Variants in CIROP observed in about 807,000 individuals in gnomAD.
CIROP encodes leishmanolysin homolog.
chr14:23,099,215 A>G, the CIROP span: 3 of 413,002 alleles, frequency 7.3e-6, no homozygotes, highest in East Asian at 1.1e-4. Flanking sequence ...TACACAATAG[A>G]TTTTCCATCC....
chr14:23,100,538 T>C, the CIROP span: 1 of 412,200 alleles, frequency 2.4e-6, no homozygotes, highest in Admixed American at 4.4e-5. Context: ...TCCTCCATGA[T>C]ACACTTCTAG....
the CIROP span, chr14:23,102,543 G>A: frequency 1.4e-6 from 1 of 699,722 alleles, no homozygotes; most frequent in Non-Finnish European, 2.6e-6. Context: ...GAAGGGTGAA[G>A]TAAAATTAGA....
At chr14:23,100,697 A>T in the CIROP span, 1 of 399,054 alleles carries the variant, frequency 2.5e-6, no homozygotes, top group Non-Finnish European at 4.4e-6. Flanking sequence ...TGGACATTTG[A>T]ATCTTTTAAT....
the CIROP span, chr14:23,101,301 C>T: frequency 7.9e-6 from 4 of 508,832 alleles, no homozygotes; most frequent in Non-Finnish European, 1.4e-5. Context: ...CCTGTATAAC[C>T]TTTCCAGGAA....
chr14:23,103,409 C>G, the CIROP span: 1 of 399,090 alleles, frequency 2.5e-6, no homozygotes, highest in Non-Finnish European at 4.4e-6. Context: ...AAAAAATTAG[C>G]CGGACATGGT....
the CIROP span, chr14:23,101,665 T>C: frequency 1.4e-6 from 1 of 703,042 alleles, no homozygotes; most frequent in Non-Finnish European, 2.6e-6. Context: ...TCTTATCTAC[T>C]CACCCCATTG....
chr14:23,100,891 T>A, the CIROP span: 1 of 399,084 alleles, frequency 2.5e-6, no homozygotes, highest in East Asian at 3.6e-5. Flanking sequence ...CCAGTACTGC[T>A]TCAGCTAGCC....
the CIROP span, chr14:23,100,713 T>G: frequency 6.0e-5 from 24 of 398,964 alleles, no homozygotes; most frequent in African/African-American, 3.1e-4. Context: ...TTAATAGAGA[T>G]ATAGTTCCTG....
the CIROP span, chr14:23,104,901 A>AGCG: frequency 1.2e-4 from 68 of 568,536 alleles, no homozygotes; most frequent in Non-Finnish European, 1.7e-4. Flanking sequence ...CAGCAGCAGC[A>AGCG]GCAGCAGCAG....
chr14:23,102,726 G>T, the CIROP span: 2 of 703,000 alleles, frequency 2.8e-6, no homozygotes, highest in Non-Finnish European at 5.2e-6. Flanking sequence ...AAGGACAAAT[G>T]ACAGCCCAGT....
At chr14:23,103,590 A>AACAAAACAAG in the CIROP span, 1 of 632,576 alleles carries the variant, frequency 1.6e-6, no homozygotes, top group Non-Finnish European at 2.8e-6. Context: ...AACAAAACAA[A>AACAAAACAAG]ACTGCTTTTA....
the CIROP span, chr14:23,101,221 G>A: frequency 2.2e-6 from 1 of 444,836 alleles, no homozygotes; most frequent in Non-Finnish European, 4.0e-6. Flanking sequence ...AGGTTGGACA[G>A]TACCACCATA....
chr14:23,104,028 A>G, the CIROP span, among the ~76,000 whole-genome samples: 1 of 152,184 alleles, frequency 6.6e-6, no homozygotes, highest in Admixed American at 6.5e-5. Context: ...TAAGCACACT[A>G]AGTAACTCTG....
chr14:23,102,784 T>C, the CIROP span: 1 of 696,634 alleles, frequency 1.4e-6, no homozygotes, highest in South Asian at 1.5e-5. Context: ...CTATAACCCC[T>C]CTGCCCAATC....
the CIROP span, chr14:23,102,133 T>C: frequency 1.4e-6 from 1 of 703,058 alleles, no homozygotes; most frequent in Non-Finnish European, 2.6e-6. Flanking sequence ...GTGGTTGACC[T>C]GGTACCAGCC....
chr14:23,104,957 C>A, the CIROP span: 1 of 660,836 alleles, frequency 1.5e-6, no homozygotes, highest in Non-Finnish European at 2.7e-6. Flanking sequence ...CAGCCTGGAT[C>A]CTGTCTTCCG....
At chr14:23,099,186 A>G in the CIROP span, 1 of 412,452 alleles carries the variant, frequency 2.4e-6, no homozygotes, top group Non-Finnish European at 4.4e-6. Context: ...GGCATTCCAA[A>G]GAAAGTAGAA....
chr14:23,101,496 A>T, the CIROP span: 1 of 617,904 alleles, frequency 1.6e-6, no homozygotes, highest in African/African-American at 1.8e-5. Flanking sequence ...GGCTCTGGGG[A>T]TGGTAGATCT....
the CIROP span, chr14:23,102,123 G>C: frequency 1.4e-6 from 1 of 702,946 alleles, no homozygotes; most frequent in Non-Finnish European, 2.6e-6. Flanking sequence ...CTGCAGCGCT[G>C]TGGTTGACCT....
Sources: allele counts gnomAD v4.1 joint callset (sites outside exome capture counted in the v4.1 genomes callset), GRCh38; gene constraint gnomAD v4.1.1; transcripts MANE v1.5; gene names NCBI Gene and HGNC (gene_info 2026-07-23, HGNC 2026-07-21).